Variants in NCSTN observed in about 807,000 individuals in gnomAD.
NCSTN encodes the protein nicastrin.
In NCSTN, 22 loss-of-function variants were observed where a neutral mutation model predicts 87.0. That is an observed-to-expected ratio of 0.25 (90% CI 0.18 to 0.36). The LOEUF is 0.36. Ranked by LOEUF, NCSTN falls within the 10% of genes least tolerant of loss-of-function variation. The probability of loss-of-function intolerance (pLI) is 1.00; values close to 1 mark genes in which losing one functional copy is unlikely to be tolerated. For missense variants in NCSTN, 693 were observed against 883.3 expected (o/e 0.78, Z 2.73); for synonymous variants, 306 against 327.1 (o/e 0.94, Z 0.69).
intron 8 of NCSTN, 26 bp from the exon 9 acceptor site, chr1:160,352,861 C>T: frequency 6.3e-7 from 1 of 1,576,410 alleles, no homozygotes; most frequent in East Asian, 2.2e-5. Flanking sequence ...TCTCTGTTCC[C>T]CCTCCCACCT....
Position 160,357,218 on chromosome 1 carries a change from G to A in NCSTN, c.1972G>A (p.Ala658Thr). 6.2e-7 allele frequency: 1 copy of A among 1,614,112 alleles called. No individual in the cohort carries two copies. The highest frequency in any genetic ancestry group is 1.1e-5 in the South Asian group (1 of 91,064). ...TGAGAGCCGCTGGAAAGATATCCGT[G>A]CCCGGATATTTCTCATCGCCAGCAA... is the stretch of plus-strand genomic sequence containing the variant. ...WTESRWKDIR[A>T]RIFLIASKEL... Residue 658 changes from alanine (A) to threonine (T), a missense_variant, in exon 16 of 17, where the codon GCC becomes ACC. Ala to Thr is a moderately conservative substitution (Grantham distance 58, BLOSUM62 0). Transcript: ENST00000294785.
rs1222450404 is a variant in NCSTN, at chr1:160,349,536, T to C, written c.315-13T>C. 1 of 1,614,062 alleles carries C rather than the reference T, an allele frequency of 6.2e-7. No homozygotes were observed. The highest frequency in any genetic ancestry group is 1.3e-5 in the African/African-American group (1 of 74,916). On this transcript the variant is annotated splice_polypyrimidine_tract_variant and intron_variant, in intron 3 of 16. Transcript: ENST00000294785. Reference sequence around the variant, plus strand: ...TTCCTGTGTTCCTTCATGGAATTCCTTTCCTATTCCAGGGATTTAATGGAG... The same window carrying C: ...TTCCTGTGTTCCTTCATGGAATTCCCTTCCTATTCCAGGGATTTAATGGAG...
Position 160,353,691 on chromosome 1 carries a change from G to A in NCSTN, c.1180-427G>A, listed in dbSNP as rs760905469. The A allele has an allele frequency of 9.1e-6, 9 of 985,204 alleles. No individual in the cohort carries two copies. The Middle Eastern group carries it at 1.6e-3, about 172-fold the overall frequency. 61.0% of individuals were successfully genotyped at this position (985,204 alleles called of 1,614,324 possible). On this transcript the variant is annotated intron_variant, in intron 10 of 16. Coordinates refer to ENST00000294785, the MANE Select transcript of NCSTN (RefSeq NM_015331.3). ...CTTTTTTCCAGGTGGTCCTCTTTCTGCAATTCCAGCCTTCAGCATCATCCC... is the reference window on the plus strand; with the variant it reads ...CTTTTTTCCAGGTGGTCCTCTTTCTACAATTCCAGCCTTCAGCATCATCCC...
intron 16 of NCSTN, among the ~76,000 whole-genome samples, 161 bp from the exon 17 acceptor site, chr1:160,357,986 CAA>C (rs879898984): frequency 1.5e-4 from 23 of 152,164 alleles, no homozygotes; most frequent in Non-Finnish European, 2.2e-4. Flanking sequence ...AATGGGGAGA[CAA>C]AGTCTGTAGG....
intron 8 of NCSTN, 45 bp from the exon 9 acceptor site, chr1:160,352,842 C>T (rs755471882): frequency 6.7e-7 from 1 of 1,498,362 alleles, no homozygotes; most frequent in Admixed American, 1.7e-5. Context: ...CTCTCCTAAC[C>T]CTTTGGAATC....
intron 1 of NCSTN, among the ~76,000 whole-genome samples, chr1:160,344,122 G>C (rs2101888304): frequency 6.6e-6 from 1 of 152,016 alleles, no homozygotes; most frequent in Non-Finnish European, 1.5e-5. Flanking sequence ...CTTTTTAGTT[G>C]GTCAAGCCCT....
At position 160,350,221 on chromosome 1, in the gene NCSTN, G is replaced by A. The variant is rs201293070; in HGVS notation, c.553G>A (p.Asp185Asn). The change falls in exon 5 of 17, where the codon GAT becomes AAT. Residue 185 changes from aspartate to asparagine, a missense_variant. Physicochemically the swap from Asp to Asn is conservative, Grantham distance 23. Coordinates refer to ENST00000294785, the MANE Select transcript of NCSTN (RefSeq NM_015331.3). ...DFSFPIFLLE[D>N]ENETKVIKQC... ...TAGTTTCCCCATCTTTCTTCTTGAA[G>A]ATGAAAATGAAACCAAAGTCATCAA... The A allele has an allele frequency of 1.1e-5, 17 of 1,614,036 alleles. No individual in the cohort carries two copies. Among genetic ancestry groups the A allele is most frequent in the Non-Finnish European group, 1.4e-5 (17 of 1,180,022 alleles).
intron 11 of NCSTN, 93 bp downstream of exon 11, chr1:160,354,383 C>G: frequency 3.0e-6 from 4 of 1,349,662 alleles, no homozygotes; most frequent in Non-Finnish European, 4.2e-6. Context: ...CTTTCCCACA[C>G]TACCCCCTCC....
chr1:160,353,298 C>T, intron 10 of NCSTN, 61 bp downstream of exon 10: 2 of 1,612,204 alleles, frequency 1.2e-6, no homozygotes, highest in Non-Finnish European at 1.7e-6. Flanking sequence ...ACCCCAACCC[C>T]TGCCCTGTTT....
chr1:160,353,247 G>A lies in NCSTN; in HGVS notation c.1179+10G>A. The A allele has an allele frequency of 6.2e-7, 1 of 1,614,078 alleles. No homozygotes were observed. Among genetic ancestry groups the A allele is most frequent in the Non-Finnish European group, 8.5e-7 (1 of 1,179,986 alleles). Reference sequence around the variant, plus strand: ...GTCTGTACGGAACCAGGTAACCTGAGCATCTCCCCTCATTTCCTATTCCTA... The same window carrying A: ...GTCTGTACGGAACCAGGTAACCTGAACATCTCCCCTCATTTCCTATTCCTA... On this transcript the variant is annotated intron_variant, in intron 10 of 16. Coordinates refer to ENST00000294785, the MANE Select transcript of NCSTN (RefSeq NM_015331.3).
Position 160,358,389 on chromosome 1 carries a change from T to G in NCSTN, c.*118T>G. ...CCCTGGGCCTGTCTCAGATTGGGATTAACATAAAAGAGTGGAACTATCCAA... is the reference window on the plus strand; with the variant it reads ...CCCTGGGCCTGTCTCAGATTGGGATGAACATAAAAGAGTGGAACTATCCAA... On this transcript the variant is annotated 3_prime_UTR_variant, in exon 17 of 17. Coordinates refer to ENST00000294785, the MANE Select transcript of NCSTN (RefSeq NM_015331.3). 7.3e-7 allele frequency: 1 copy of G among 1,375,018 alleles called. No homozygotes were observed. The highest frequency in any genetic ancestry group is 1.0e-6 in the Non-Finnish European group (1 of 978,350). The allele number at this position is 1,375,018 out of a possible 1,614,324, so 85.2% of individuals were successfully genotyped here.
intron 5 of NCSTN, among the ~76,000 whole-genome samples, chr1:160,350,561 C>T (rs1312657280): frequency 2.0e-5 from 3 of 151,884 alleles, no homozygotes; most frequent in Admixed American, 6.6e-5. Context: ...AGAACCAAGA[C>T]GTTAGTTCTT....
At chr1:160,351,106 T>A in intron 5 of NCSTN, 116 bp from the exon 6 acceptor site, 1 of 1,050,876 alleles carries the variant, frequency 9.5e-7, no homozygotes, top group South Asian at 1.3e-5. Flanking sequence ...GATAAATGTC[T>A]CCGAAAAGGG....
intron 13 of NCSTN, 107 bp downstream of exon 13, chr1:160,356,065 C>A: frequency 1.7e-6 from 2 of 1,175,156 alleles, no homozygotes; most frequent in Non-Finnish European, 2.5e-6. Flanking sequence ...ACTGTTGATG[C>A]CGGTGAGAAT....
intron 2 of NCSTN, among the ~76,000 whole-genome samples, chr1:160,346,052 G>A (rs901159455): frequency 1.4e-4 from 21 of 151,458 alleles, no homozygotes; most frequent in Admixed American, 9.2e-4. Context: ...CTGACAGGCC[G>A]TTTATTTTCA....
Position 160,343,389 on chromosome 1 carries a change from G to T in NCSTN, c.-8G>T, listed in dbSNP as rs1051924447. The T allele has an allele frequency of 6.2e-7, 1 of 1,612,964 alleles. No homozygotes were observed. The highest frequency in any genetic ancestry group is 1.3e-5 in the African/African-American group (1 of 74,926). ...CGAACGGGGGCTTCCGCTCAGCAGA[G>T]AGGCAAGATGGCTACGGCAGGGGGT... On this transcript the variant is annotated 5_prime_UTR_variant, in exon 1 of 17. Coordinates refer to ENST00000294785, the MANE Select transcript of NCSTN (RefSeq NM_015331.3).
chr1:160,349,795 A>G (rs1648737452), intron 4 of NCSTN, 125 bp downstream of exon 4: 1 of 1,346,008 alleles, frequency 7.4e-7, no homozygotes, highest in South Asian at 1.2e-5. Context: ...ACTGACTCCC[A>G]AACAGGGGGT....
At chr1:160,345,196 G>A (rs4344328) in intron 2 of NCSTN, 22 of 328,194 alleles carry the variant, frequency 6.7e-5, no homozygotes, top group South Asian at 6.0e-4. Flanking sequence ...TAAGCTGAGA[G>A]ACCTTTTTTT....
In NCSTN at chr1:160,348,966, G is replaced by A. The variant is rs1648677177; in HGVS notation, c.191-33G>A. 6 of 1,613,970 alleles carry A rather than the reference G, an allele frequency of 3.7e-6. No homozygotes were observed. In the Admixed American group the frequency reaches 8.3e-5, roughly 22 times the overall value. ...GGCAAAGTCAGAATTGTTAACTATGGGAGCTTTAATTTGACTCATTCTGTC... is the reference window on the plus strand; with the variant it reads ...GGCAAAGTCAGAATTGTTAACTATGAGAGCTTTAATTTGACTCATTCTGTC... On this transcript the variant is annotated intron_variant, in intron 2 of 16. Coordinates refer to ENST00000294785, the MANE Select transcript of NCSTN (RefSeq NM_015331.3).
Sources: gnomAD v4.1 joint callset for allele counts (sites outside exome capture counted in the v4.1 genomes callset) on GRCh38, gnomAD v4.1.1 for gene constraint, MANE v1.5 for transcripts, NCBI Gene and HGNC (gene_info 2026-07-23, HGNC 2026-07-21) for gene names.